Variants in FFAR4 observed in about 807,000 individuals in gnomAD.
FFAR4 encodes free fatty acid receptor 4.
In FFAR4, 19 loss-of-function variants were observed where a neutral mutation model predicts 27.0. The observed-to-expected ratio is 0.70, with a 90% CI of 0.49 to 1.03. The LOEUF is 1.03. Ranked by LOEUF, FFAR4 falls within the 50% of genes least tolerant of loss-of-function variation. The pLI is 0.00. For synonymous variants in FFAR4, 254 were observed against 215.6 expected (o/e 1.18, Z -1.56); for missense variants, 476 against 479.0 (o/e 0.99, Z 0.06).
intron 2 of FFAR4, among the ~76,000 whole-genome samples, chr10:93,578,023 G>A (rs778985020): frequency 6.6e-4 from 100 of 152,268 alleles, no homozygotes; most frequent in Non-Finnish European, 1.0e-3. Flanking sequence ...ATATCGAAAG[G>A]AGAGAAACTG....
At chr10:93,568,698 T>C (rs952677465) in intron 1 of FFAR4, among the ~76,000 whole-genome samples, 2 of 152,134 alleles carry the variant, frequency 1.3e-5, no homozygotes, top group African/African-American at 2.4e-5. Flanking sequence ...AGCCCTTTTA[T>C]TGGGGGTAGG....
chr10:93,581,389 C>A (rs936893327), intron 2 of FFAR4, among the ~76,000 whole-genome samples: 1 of 152,212 alleles, frequency 6.6e-6, no homozygotes, highest in Non-Finnish European at 1.5e-5. Flanking sequence ...ATGGAATTTT[C>A]TGTCCAGTGA....
In FFAR4 at chr10:93,579,311, C is replaced by G. The variant is rs2134550094; in HGVS notation, c.696+3092C>G. 3.1e-6 allele frequency: 3 copies of G among 956,606 alleles called. No homozygotes were observed. In the Admixed American group the frequency reaches 5.6e-5, roughly 18 times the overall value. 59.3% of individuals were successfully genotyped at this position (956,606 alleles called of 1,614,324 possible). ...TGTGTGGTCTGGCCCCGCTGCCGTT[C>G]TCACCTTCATATTTCACCCTCCCTT... On this transcript the variant is annotated intron_variant, in intron 2 of 2. Coordinates refer to ENST00000371481, the MANE Select transcript of FFAR4 (RefSeq NM_001195755.2).
intron 1 of FFAR4, among the ~76,000 whole-genome samples, chr10:93,572,991 TCTG>T (rs754393051): frequency 5.9e-5 from 9 of 152,184 alleles, no homozygotes; most frequent in Non-Finnish European, 8.8e-5. Context: ...ATCCCACAAT[TCTG>T]CTCTGACAGC....
intron 1 of FFAR4, among the ~76,000 whole-genome samples, chr10:93,571,178 C>G (rs936230572): frequency 2.6e-5 from 4 of 152,172 alleles, no homozygotes; most frequent in African/African-American, 9.7e-5. Flanking sequence ...GTCAGCTCAC[C>G]CTGCTTCAAC....
chr10:93,572,426 G>A (rs2058136885), intron 1 of FFAR4, among the ~76,000 whole-genome samples: 1 of 151,702 alleles, frequency 6.6e-6, no homozygotes, highest in African/African-American at 2.4e-5. Flanking sequence ...CATGTGTAGA[G>A]CCTGAGGTTC....
At chr10:93,579,081 C>T (rs1049441421) in intron 2 of FFAR4, 1 of 1,317,790 alleles carries the variant, frequency 7.6e-7, no homozygotes, top group South Asian at 1.2e-5. Flanking sequence ...TTTTAGCCAC[C>T]CACCTCTAAA....
In FFAR4 at chr10:93,587,888, C is replaced by A. The variant is rs1009805726; in HGVS notation, c.*279C>A. On this transcript the variant is annotated 3_prime_UTR_variant, in exon 3 of 3. Transcript: ENST00000371481. ...ATCACCTGAGGTCAGGAGTTCGAGA[C>A]CAACCTGACCAACATGGTGAGACCC... is the stretch of plus-strand genomic sequence containing the variant. The A allele has an allele frequency of 1.0e-5, 3 of 287,528 alleles. No homozygotes were observed. The East Asian group carries it at 2.3e-4, about 22-fold the overall frequency. 17.8% of individuals were successfully genotyped at this position (287,528 alleles called of 1,614,324 possible). A position where few individuals can be genotyped will look rare whatever the true frequency, so the allele number is the denominator to read the frequency against.
chr10:93,578,092 C>T (rs1389717725), intron 2 of FFAR4, among the ~76,000 whole-genome samples: 1 of 152,086 alleles, frequency 6.6e-6, no homozygotes. Context: ...TTAAATGCTA[C>T]ACAAACGTAA....
At chr10:93,568,004 T>C (rs1005228165) in intron 1 of FFAR4, among the ~76,000 whole-genome samples, 1 of 152,206 alleles carries the variant, frequency 6.6e-6, no homozygotes, top group African/African-American at 2.4e-5. Context: ...CGACGAGCTC[T>C]GTTTTACATA....
In FFAR4 at chr10:93,573,669, C is replaced by T. The variant is rs78313560; in HGVS notation, c.568-2422C>T. Among the ~76,000 whole-genome samples the T allele has an allele frequency of 3.2e-4, 49 of 152,314 alleles. No homozygotes were observed. In the East Asian group the frequency reaches 9.1e-3, roughly 28 times the overall value. On this transcript the variant is annotated intron_variant, in intron 1 of 2. Coordinates refer to ENST00000371481, the MANE Select transcript of FFAR4 (RefSeq NM_001195755.2). Reference sequence around the variant, plus strand: ...ATCATTCAGGCCCCCAAGCCAGTTGCACTGCCTCTCAGTTCATGTGTGGGG... The same window carrying T: ...ATCATTCAGGCCCCCAAGCCAGTTGTACTGCCTCTCAGTTCATGTGTGGGG...
intron 2 of FFAR4, among the ~76,000 whole-genome samples, chr10:93,581,913 T>G (rs1352921734): frequency 6.6e-6 from 1 of 152,212 alleles, no homozygotes; most frequent in Non-Finnish European, 1.5e-5. Context: ...ACTCCCCTAC[T>G]TGACTGTGAG....
Position 93,566,788 on chromosome 10 carries a change from C to G in FFAR4, c.68C>G (p.Thr23Ser). The G allele has an allele frequency of 6.2e-7, 1 of 1,608,830 alleles. No individual in the cohort carries two copies. Among genetic ancestry groups the G allele is most frequent in the Non-Finnish European group, 8.5e-7 (1 of 1,179,126 alleles). Residue 23 changes from threonine to serine, a missense_variant, in exon 1 of 3, where the codon ACC becomes AGC. Physicochemically the swap from Thr to Ser is moderately conservative, Grantham distance 58. Transcript: ENST00000371481. ...PLRSLEQANR[T>S]RFPFFSDVKG... is the part of the protein sequence containing the mutation. ...CGCAGCCTGGAGCAAGCCAACCGCA[C>G]CCGCTTTCCCTTCTTCTCCGACGTC...
chr10:93,576,021 C>T (rs1365440322), intron 1 of FFAR4, 70 bp from the exon 2 acceptor site: 4 of 1,526,608 alleles, frequency 2.6e-6, no homozygotes, highest in Admixed American at 3.4e-5. Flanking sequence ...AGGAAACCCT[C>T]AATAAGACTG....
In FFAR4 at chr10:93,588,919, G is replaced by A. The variant is rs1488815912; in HGVS notation, c.*1310G>A. On this transcript the variant is annotated 3_prime_UTR_variant, in exon 3 of 3. Coordinates refer to ENST00000371481, the MANE Select transcript of FFAR4 (RefSeq NM_001195755.2). ...GTGAAGAAAATGGGACGGGGGCTAT[G>A]GTAGTGATGGGAATTTAGATCAGAT... The A allele has an allele frequency of 6.6e-6, 1 of 152,238 alleles. No homozygotes were observed. Among genetic ancestry groups the A allele is most frequent in the Admixed American group, 6.5e-5 (1 of 15,288 alleles). The allele number at this position is 152,238 out of a possible 1,614,324, so 9.4% of individuals were successfully genotyped here.
intron 1 of FFAR4, among the ~76,000 whole-genome samples, chr10:93,570,093 G>A (rs1248800154): frequency 6.6e-6 from 1 of 151,298 alleles, no homozygotes; most frequent in African/African-American, 2.4e-5. Flanking sequence ...TAAAAAAAAT[G>A]GGACAATCCT....
At position 93,572,146 on chromosome 10, in the gene FFAR4, C is replaced by T. The variant is rs1423038141; in HGVS notation, c.568-3945C>T. Among the ~76,000 whole-genome samples, 4 of 152,100 alleles carry T rather than the reference C, an allele frequency of 2.6e-5. No individual in the cohort carries two copies. The East Asian group carries it at 5.8e-4, about 22-fold the overall frequency. On this transcript the variant is annotated intron_variant, in intron 1 of 2. Coordinates refer to ENST00000371481, the MANE Select transcript of FFAR4 (RefSeq NM_001195755.2). Reference sequence around the variant, plus strand: ...TGGAAAAAGGCAGGCTTGGTCCCCACCCTTAGTAACACACTTCAGTGGGGA... The same window carrying T: ...TGGAAAAAGGCAGGCTTGGTCCCCATCCTTAGTAACACACTTCAGTGGGGA...
intron 2 of FFAR4, 127 bp from the exon 3 acceptor site, chr10:93,587,093 C>A: frequency 1.3e-6 from 1 of 793,358 alleles, no homozygotes; most frequent in Non-Finnish European, 2.0e-6. Flanking sequence ...CTCGGGCACA[C>A]AAAGTCCCAG....
intron 1 of FFAR4, among the ~76,000 whole-genome samples, chr10:93,574,527 G>A (rs942663428): frequency 6.6e-6 from 1 of 152,194 alleles, no homozygotes; most frequent in Non-Finnish European, 1.5e-5. Context: ...GAGTACAAAA[G>A]GAGGTGGTGC....
Sources: gnomAD v4.1 joint callset for allele counts (sites outside exome capture counted in the v4.1 genomes callset) on GRCh38, gnomAD v4.1.1 for gene constraint, MANE v1.5 for transcripts, NCBI Gene and HGNC (gene_info 2026-07-23, HGNC 2026-07-21) for gene names.